Variants in NCBP1 observed in about 807,000 individuals in gnomAD.
NCBP1 encodes the protein nuclear cap-binding protein subunit 1.
A neutral mutation model predicts 111.7 loss-of-function variants in NCBP1; 16 were observed. The ratio of observed to expected loss-of-function variants is 0.14; its 90% CI spans 0.10 to 0.22. The LOEUF (loss-of-function observed/expected upper bound fraction) is 0.22. NCBP1 is among the 10% of genes least tolerant of loss of function. NCBP1 has a pLI of 1.00. For missense variants in NCBP1, 607 were observed against 957.5 expected (o/e 0.63, Z 4.83); for synonymous variants, 304 against 314.3 (o/e 0.97, Z 0.35).
At chr9:97,651,543 C>T (rs1197277167) in intron 10 of NCBP1, among the ~76,000 whole-genome samples, 170 bp downstream of exon 10, 12 of 152,004 alleles carry the variant, frequency 7.9e-5, no homozygotes, top group Non-Finnish European at 1.8e-4. Context: ...CTCTATTAGC[C>T]ATGTTAGTAA....
intron 10 of NCBP1, among the ~76,000 whole-genome samples, chr9:97,652,064 C>T (rs1244083887): frequency 6.6e-6 from 1 of 152,100 alleles, no homozygotes; most frequent in Non-Finnish European, 1.5e-5. Flanking sequence ...AGGGCAGTAG[C>T]GTGATCTTGG....
intron 1 of NCBP1, among the ~76,000 whole-genome samples, chr9:97,636,675 A>T (rs933991599): frequency 8.2e-5 from 9 of 109,442 alleles, no homozygotes; most frequent in South Asian, 3.0e-4. Flanking sequence ...TATATATATA[A>T]AATCATTTAT....
intron 1 of NCBP1, chr9:97,635,684 A>G (rs1483309641): frequency 6.6e-6 from 1 of 151,944 alleles, no homozygotes; most frequent in African/African-American, 2.4e-5. Flanking sequence ...GGCCTTCCAA[A>G]GTGCCGGGAT....
chr9:97,670,492 C>CTTCATTT (rs1437765599), intron 22 of NCBP1, among the ~76,000 whole-genome samples: 3 of 152,188 alleles, frequency 2.0e-5, no homozygotes, highest in African/African-American at 7.2e-5. Context: ...TCCCCTAAAT[C>CTTCATTT]TTCATTTGTT....
At chr9:97,635,920 T>C (rs1415576052) in intron 1 of NCBP1, 1 of 152,200 alleles carries the variant, frequency 6.6e-6, no homozygotes, top group East Asian at 1.9e-4. Flanking sequence ...GGAATGCTAA[T>C]ATGTAGAAAA....
chr9:97,656,180 A>G, intron 14 of NCBP1, 95 bp downstream of exon 14: 1 of 1,024,480 alleles, frequency 9.8e-7, no homozygotes. Flanking sequence ...TGGATTCAAA[A>G]TCCACTTACT....
chr9:97,670,467 A>G (rs1828155667), intron 22 of NCBP1, among the ~76,000 whole-genome samples: 1 of 152,200 alleles, frequency 6.6e-6, no homozygotes, highest in Non-Finnish European at 1.5e-5. Flanking sequence ...AATTCATTGT[A>G]TCTTCGGACA....
At chr9:97,663,672 A>G (rs1827905876) in intron 18 of NCBP1, among the ~76,000 whole-genome samples, 1 of 151,626 alleles carries the variant, frequency 6.6e-6, no homozygotes, top group Non-Finnish European at 1.5e-5. Flanking sequence ...TTTAGTAGAG[A>G]TGGGGTTTCA....
In NCBP1 at chr9:97,672,554, A is replaced by T. The variant is rs1238838444; in HGVS notation, c.*1355A>T. 6.6e-6 allele frequency: 1 copy of T among 152,180 alleles called. No individual in the cohort carries two copies. Among genetic ancestry groups the T allele is most frequent in the Non-Finnish European group, 1.5e-5 (1 of 68,044 alleles). The allele number at this position is 152,180 out of a possible 1,614,324, so 9.4% of individuals were successfully genotyped here. A position where few individuals can be genotyped will look rare whatever the true frequency, so the allele number is the denominator to read the frequency against. Reference sequence around the variant, plus strand: ...GGTTCTTGGCTAAATGTTTTCGTTTATACTGTTTATCTTTCCCATTGCTTA... The same window carrying T: ...GGTTCTTGGCTAAATGTTTTCGTTTTTACTGTTTATCTTTCCCATTGCTTA... On this transcript the variant is annotated 3_prime_UTR_variant, in exon 23 of 23. Transcript: ENST00000375147.
chr9:97,668,385 A>G (rs1167155443), intron 20 of NCBP1, among the ~76,000 whole-genome samples: 1 of 152,244 alleles, frequency 6.6e-6, no homozygotes, highest in African/African-American at 2.4e-5. Context: ...TTGCCAGCAG[A>G]AAGTCTTAAA....
At chr9:97,650,132 T>C (rs1370596071) in intron 8 of NCBP1, among the ~76,000 whole-genome samples, 2 of 152,180 alleles carry the variant, frequency 1.3e-5, no homozygotes, top group Non-Finnish European at 2.9e-5. Context: ...GGCTATGTGG[T>C]GTTTGAATAG....
At chr9:97,654,834 T>A in intron 11 of NCBP1, 46 bp from the exon 12 acceptor site, 2 of 1,525,972 alleles carry the variant, frequency 1.3e-6, no homozygotes, top group Non-Finnish European at 1.8e-6. Flanking sequence ...TTACAACTTA[T>A]TTGGGATAAA....
intron 12 of NCBP1, among the ~76,000 whole-genome samples, chr9:97,655,303 T>A (rs142442944): frequency 1.3e-5 from 2 of 152,314 alleles, no homozygotes; most frequent in African/African-American, 4.8e-5. Context: ...CTTGAACTTA[T>A]GGGCTCAAGC....
chr9:97,639,542 G>T (rs2131332270), intron 1 of NCBP1, among the ~76,000 whole-genome samples: 1 of 152,248 alleles, frequency 6.6e-6, no homozygotes, highest in Non-Finnish European at 1.5e-5. Flanking sequence ...TATGTAACTT[G>T]CTACTGTGTA....
At position 97,654,910 on chromosome 9, in the gene NCBP1, C is replaced by G. The variant is rs763729923; in HGVS notation, c.1201C>G (p.Arg401Gly). Residue 401 changes from arginine (R) to glycine (G), a missense_variant, in exon 12 of 23, where the codon CGT (arginine) becomes GGT (glycine). Physicochemically the swap from Arg to Gly is moderately radical, Grantham distance 125. Around this residue, in one of 9 missense-constraint regions of NCBP1, gnomAD observed 21 missense variants for 19.6 expected, o/e 1.07. Coordinates refer to ENST00000375147, the MANE Select transcript of NCBP1 (RefSeq NM_002486.5). ...LAQATEMLYM[R>G]LDTMNTTCVD... ...ACAGGCAACTGAAATGCTATACATGCGTTTGGACACAATGAACACTACCTG... is the reference window on the plus strand; with the variant it reads ...ACAGGCAACTGAAATGCTATACATGGGTTTGGACACAATGAACACTACCTG... 3 of 1,611,976 alleles carry G rather than the reference C, an allele frequency of 1.9e-6. No individual in the cohort carries two copies. Among genetic ancestry groups the G allele is most frequent in the South Asian group, 2.2e-5 (2 of 90,706 alleles).
At position 97,662,986 on chromosome 9, in the gene NCBP1, GTGA is replaced by G; in HGVS notation, c.1740_1742del (p.Asp580del). On this transcript the variant is annotated inframe_deletion, in exon 18 of 23. Coordinates refer to ENST00000375147, the MANE Select transcript of NCBP1 (RefSeq NM_002486.5). The stretch of plus-strand genomic sequence containing the variant: ...GAAGTCTTCAAAACCCTAGCTGAAA[GTGA>G]TGAAGGAAAGTTACATGTGCTAAGA... 6.2e-7 allele frequency: 1 copy of G among 1,613,220 alleles called. No homozygotes were observed. Among genetic ancestry groups the G allele is most frequent in the Non-Finnish European group, 8.5e-7 (1 of 1,179,688 alleles).
intron 2 of NCBP1, among the ~76,000 whole-genome samples, chr9:97,641,296 T>G (rs1827196884): frequency 6.6e-6 from 1 of 152,072 alleles, no homozygotes; most frequent in South Asian, 2.1e-4. Flanking sequence ...TCGTCCACTT[T>G]TCATGGATTT....
intron 4 of NCBP1, 77 bp from the exon 5 acceptor site, chr9:97,645,040 C>A (rs1827295584): frequency 2.8e-6 from 3 of 1,078,578 alleles, no homozygotes; most frequent in Non-Finnish European, 4.3e-6. Context: ...AATAGTTTAG[C>A]CTATACAAGA....
rs1828115155 is a variant in NCBP1 at position 97,669,594 on chromosome 9, G to A, written c.2147G>A (p.Arg716Gln). The A allele has an allele frequency of 1.3e-6, 2 of 1,597,298 alleles. No homozygotes were observed. The highest frequency in any genetic ancestry group is 3.3e-5 in the Admixed American group (2 of 59,952). Residue 716 changes from arginine to glutamine, a missense_variant and splice_region_variant, in exon 22 of 23, where the codon CGG becomes CAG. Around this residue, in one of 9 missense-constraint regions of NCBP1, gnomAD observed 282 missense variants for 376.5 expected, o/e 0.75. Transcript: ENST00000375147. ...QKNLFLVIFQ[R>Q]FIMILTEHLV... ...CCTTAACTTCTTCTCCCTTTCCAGC[G>A]GTTTATCATGATCTTGACCGAGCAC...
Sources: allele counts gnomAD v4.1 joint callset (sites outside exome capture counted in the v4.1 genomes callset), GRCh38; gene constraint gnomAD v4.1.1; regional missense constraint gnomAD v4.1.1; transcripts MANE v1.5; gene names NCBI Gene and HGNC (gene_info 2026-07-23, HGNC 2026-07-21).